The following SLIT2 variants were observed in gnomAD, a reference collection of about 807,000 sequenced individuals.
The protein encoded by SLIT2 is slit guidance ligand 2.
SLIT2 carries 41 observed loss-of-function variants against 185.7 expected under a neutral mutation model. The ratio of observed to expected loss-of-function variants is 0.22; its 90% CI spans 0.17 to 0.29. SLIT2 has a LOEUF of 0.29. Ranked by LOEUF, SLIT2 falls within the 10% of genes least tolerant of loss-of-function variation. SLIT2 has a pLI of 1.00. For synonymous variants in SLIT2, 693 were observed against 680.2 expected (o/e 1.02, Z -0.29); for missense variants, 1,571 against 1,909.0 (o/e 0.82, Z 3.30).
At chr4:20,383,709 CT>C (rs1294764222) in intron 4 of SLIT2, among the ~76,000 whole-genome samples, 6 of 150,968 alleles carry the variant, frequency 4.0e-5, no homozygotes, top group East Asian at 1.9e-4. Context: ...TGTTACTATT[CT>C]TTTTTTTTAA....
chr4:20,311,661 A>C (rs1718121233), intron 4 of SLIT2, among the ~76,000 whole-genome samples: 1 of 152,206 alleles, frequency 6.6e-6, no homozygotes. Context: ...AGTCAATGAT[A>C]ATAGCTGTGT....
At chr4:20,280,997 T>G (rs1714714119) in intron 4 of SLIT2, among the ~76,000 whole-genome samples, 2 of 152,232 alleles carry the variant, frequency 1.3e-5, no homozygotes, top group African/African-American at 2.4e-5. Context: ...CACGCCCGGC[T>G]GATTTTTGTG....
intron 4 of SLIT2, among the ~76,000 whole-genome samples, chr4:20,331,460 A>C (rs1008352635): frequency 3.3e-5 from 5 of 152,140 alleles, no homozygotes; most frequent in African/African-American, 1.2e-4. Context: ...TAATTTTCAA[A>C]ATCTATTTTG....
chr4:20,430,162 C>A (rs1196587125), intron 4 of SLIT2, among the ~76,000 whole-genome samples: 4 of 151,030 alleles, frequency 2.6e-5, no homozygotes, highest in South Asian at 2.1e-4. Flanking sequence ...TTTAAAAATT[C>A]TTTTTTTCTT....
chr4:20,340,129 T>C (rs1720841371), intron 4 of SLIT2, among the ~76,000 whole-genome samples: 1 of 152,222 alleles, frequency 6.6e-6, no homozygotes, highest in African/African-American at 2.4e-5. Flanking sequence ...GTAGTAGGTG[T>C]ATATTTTTAT....
chr4:20,597,068 GTTTT>G (rs562211138), intron 32 of SLIT2, among the ~76,000 whole-genome samples: 1 of 135,086 alleles, frequency 7.4e-6, no homozygotes, highest in Non-Finnish European at 1.6e-5. Flanking sequence ...TTGTTTTGTT[GTTTT>G]TTTTTTTTTT....
In SLIT2 at chr4:20,358,399, G is replaced by T. The variant is rs145233892; in HGVS notation, c.395+89518G>T. ...AATTAATTGTGGGCCAAAAGTTACAGTAATGAATAGAAGTCTGTTGTTCTT... is the reference window on the plus strand; with the variant it reads ...AATTAATTGTGGGCCAAAAGTTACATTAATGAATAGAAGTCTGTTGTTCTT... On this transcript the variant is annotated intron_variant, in intron 4 of 36. Coordinates refer to ENST00000504154, the MANE Select transcript of SLIT2 (RefSeq NM_004787.4). Among the ~76,000 whole-genome samples, 164 of 152,266 alleles carry T rather than the reference G, an allele frequency of 1.1e-3. 1 individual carries two copies. Among genetic ancestry groups the T allele is most frequent in the African/African-American group, 3.6e-3 (151 of 41,558 alleles).
intron 4 of SLIT2, among the ~76,000 whole-genome samples, chr4:20,336,942 T>G (rs1449243179): frequency 1.3e-5 from 2 of 152,204 alleles, no homozygotes; most frequent in Non-Finnish European, 2.9e-5. Context: ...GATAAAATTT[T>G]TGTTTGGATT....
At chr4:20,342,732 T>C (rs1721062244) in intron 4 of SLIT2, among the ~76,000 whole-genome samples, 1 of 140,824 alleles carries the variant, frequency 7.1e-6, no homozygotes, top group Non-Finnish European at 1.5e-5. Flanking sequence ...TTTTTTTTTT[T>C]TTTTTTTTTT....
At chr4:20,276,148 A>G (rs1714148798) in intron 4 of SLIT2, among the ~76,000 whole-genome samples, 1 of 152,148 alleles carries the variant, frequency 6.6e-6, no homozygotes, top group African/African-American at 2.4e-5. Flanking sequence ...AAATCCAGTA[A>G]AAATTGCAAA....
intron 4 of SLIT2, among the ~76,000 whole-genome samples, chr4:20,369,804 A>G (rs1723429592): frequency 6.6e-6 from 1 of 152,042 alleles, no homozygotes; most frequent in South Asian, 2.1e-4. Context: ...ATCTGGAGGT[A>G]TTTGAAGTTT....
At chr4:20,440,346 A>G (rs1729654928) in intron 4 of SLIT2, among the ~76,000 whole-genome samples, 2 of 152,230 alleles carry the variant, frequency 1.3e-5, no homozygotes, top group Admixed American at 1.3e-4. Flanking sequence ...CATTATCACC[A>G]GTCAGAGTGG....
chr4:20,499,157 G>A (rs1577791475), intron 9 of SLIT2, among the ~76,000 whole-genome samples: 1 of 151,984 alleles, frequency 6.6e-6, no homozygotes, highest in Non-Finnish European at 1.5e-5. Flanking sequence ...GCATTTTTTT[G>A]TTTGTTGGCT....
chr4:20,596,789 G>A, intron 32 of SLIT2, 134 bp downstream of exon 32: 1 of 766,334 alleles, frequency 1.3e-6, no homozygotes, highest in Non-Finnish European at 2.0e-6. Flanking sequence ...TGCTCCTTGT[G>A]TGGACAGCGT....
intron 4 of SLIT2, among the ~76,000 whole-genome samples, chr4:20,293,018 T>A (rs1716115471): frequency 6.6e-6 from 1 of 152,162 alleles, no homozygotes; most frequent in Non-Finnish European, 1.5e-5. Context: ...TTTCTGTAGT[T>A]TCCAAAGGGA....
intron 4 of SLIT2, among the ~76,000 whole-genome samples, chr4:20,442,064 G>C (rs1438856246): frequency 6.6e-6 from 1 of 152,136 alleles, no homozygotes; most frequent in Non-Finnish European, 1.5e-5. Flanking sequence ...GTTGGGGGTA[G>C]GAGAGGAAAA....
intron 4 of SLIT2, among the ~76,000 whole-genome samples, chr4:20,284,504 A>G (rs1323033810): frequency 6.6e-6 from 1 of 152,226 alleles, no homozygotes; most frequent in Admixed American, 6.5e-5. Flanking sequence ...CAAAGGAACC[A>G]TGGAATCATC....
At chr4:20,345,543 TC>T (rs199569917) in intron 4 of SLIT2, among the ~76,000 whole-genome samples, 2,222 of 134,698 alleles carry the variant, frequency 0.016, 110 homozygotes, top group African/African-American at 0.043. Context: ...TTTTCTTTTT[TC>T]TTTTTTTTTG....
At chr4:20,452,532 G>A (rs1049896601) in intron 4 of SLIT2, among the ~76,000 whole-genome samples, 3 of 152,058 alleles carry the variant, frequency 2.0e-5, no homozygotes, top group Admixed American at 6.6e-5. Context: ...TTTGTTGTAT[G>A]TTCTGCATCT....
Sources: gnomAD v4.1 joint callset for allele counts (sites outside exome capture counted in the v4.1 genomes callset) on GRCh38, gnomAD v4.1.1 for gene constraint, MANE v1.5 for transcripts, NCBI Gene and HGNC (gene_info 2026-07-23, HGNC 2026-07-21) for gene names.